Variants in PRXL2C observed in about 807,000 individuals in gnomAD.
The protein encoded by PRXL2C is peroxiredoxin-like 2C.
In PRXL2C, 38 loss-of-function variants were observed where a neutral mutation model predicts 24.9. The observed-to-expected ratio is 1.53, with a 90% CI of 1.18 to 2.00. The LOEUF (loss-of-function observed/expected upper bound fraction) is 2.00. Among genes scored for constraint, PRXL2C ranks in the 30% most tolerant of loss-of-function variants. PRXL2C has a pLI of 0.00. For missense variants in PRXL2C, 294 were observed against 290.9 expected (o/e 1.01, Z -0.08); for synonymous variants, 98 against 117.2 (o/e 0.84, Z 1.06).
chr9:96,650,605 T>C (rs1295989400), intron 4 of PRXL2C, among the ~76,000 whole-genome samples: 1 of 152,070 alleles, frequency 6.6e-6, no homozygotes, highest in Admixed American at 6.6e-5. Context: ...GTTGGGTGAT[T>C]TCAAACGATA....
chr9:96,654,691 G>T lies in PRXL2C; in HGVS notation c.261+14C>A, dbSNP rs1188811816. ...CAGAAGCGGGCACTGGGCCGCCCAC[G>T]CTGGGAAACTCACTTGTAAGAAACT... is the stretch of plus-strand genomic sequence containing the variant. On this transcript the variant is annotated intron_variant, in intron 2 of 5. Transcript: ENST00000375234. The T allele has an allele frequency of 2.6e-6, 4 of 1,555,784 alleles. No homozygotes were observed. Among genetic ancestry groups the T allele is most frequent in the Admixed American group, 3.9e-5 (2 of 51,334 alleles).
At position 96,655,288 on chromosome 9, in the gene PRXL2C, G is replaced by C. The variant is rs978515932; in HGVS notation, c.-7C>G. On this transcript the variant is annotated 5_prime_UTR_variant, in exon 1 of 6. Transcript: ENST00000375234. ...CCGGGGCCGGCGCGGCCATGACGCG[G>C]GGCGGCCGAGGGCCTGGGTCCGCTC... The C allele has an allele frequency of 2.9e-6, 3 of 1,050,424 alleles. No individual in the cohort carries two copies. Among genetic ancestry groups the C allele is most frequent in the Non-Finnish European group, 3.4e-6 (3 of 873,598 alleles). The allele number at this position is 1,050,424 out of a possible 1,614,324, so 65.1% of individuals were successfully genotyped here.
Position 96,654,678 on chromosome 9 carries a change from C to T in PRXL2C, c.261+27G>A, listed in dbSNP as rs73543002. 7,871 of 1,551,970 alleles carry T rather than the reference C, an allele frequency of 5.1e-3. 354 individuals are homozygous for T. In the African/African-American group the frequency reaches 0.095, roughly 19 times the overall value. On this transcript the variant is annotated intron_variant, in intron 2 of 5. Coordinates refer to ENST00000375234, the MANE Select transcript of PRXL2C (RefSeq NM_153698.2). The stretch of plus-strand genomic sequence containing the variant: ...CTCGCAAGGTCTGCAGAAGCGGGCA[C>T]TGGGCCGCCCACGCTGGGAAACTCA...
chr9:96,654,642 C>G, intron 2 of PRXL2C, 63 bp downstream of exon 2: 2 of 1,487,986 alleles, frequency 1.3e-6, no homozygotes, highest in Non-Finnish European at 1.8e-6. Context: ...GCCGCGTCCT[C>G]CCCCGCCCCG....
chr9:96,648,277 A>G (rs533527452), intron 4 of PRXL2C, among the ~76,000 whole-genome samples: 20 of 152,202 alleles, frequency 1.3e-4, no homozygotes, highest in Non-Finnish European at 1.8e-4. Context: ...TTGAGATTCC[A>G]TAGCCTAGAA....
chr9:96,645,889 T>C lies in PRXL2C; in HGVS notation c.553+4A>G, dbSNP rs1396563660. The C allele has an allele frequency of 6.2e-7, 1 of 1,604,392 alleles. No homozygotes were observed. The highest frequency in any genetic ancestry group is 8.5e-7 in the Non-Finnish European group (1 of 1,177,282). ...TACTGCTGAACCTGGGCTTTGATGC[T>C]TACCTGGACCTAAAATGAGGGTTCC... On this transcript the variant is annotated splice_donor_region_variant and intron_variant, in intron 5 of 5. Coordinates refer to ENST00000375234, the MANE Select transcript of PRXL2C (RefSeq NM_153698.2).
Position 96,651,343 on chromosome 9 carries a change from G to T in PRXL2C, c.421+47C>A. 5 of 1,344,808 alleles carry T rather than the reference G, an allele frequency of 3.7e-6. No homozygotes were observed. The South Asian group carries it at 3.8e-5, about 10-fold the overall frequency. 83.3% of individuals were successfully genotyped at this position (1,344,808 alleles called of 1,614,324 possible). On this transcript the variant is annotated intron_variant, in intron 4 of 5. Coordinates refer to ENST00000375234, the MANE Select transcript of PRXL2C (RefSeq NM_153698.2). ...TCCCTATGCATATATACACAAATAT[G>T]AACATACACCACCAGTGTTTTCTAT...
intron 5 of PRXL2C, among the ~76,000 whole-genome samples, chr9:96,642,565 G>C (rs1200518148): frequency 1.7e-5 from 1 of 59,292 alleles, no homozygotes; most frequent in East Asian, 4.7e-4. Context: ...TTTTTTTTTT[G>C]AGACGGAGGC....
At chr9:96,645,811 A>AAG in intron 5 of PRXL2C, 82 bp downstream of exon 5, 1 of 1,422,266 alleles carries the variant, frequency 7.0e-7, no homozygotes, top group Non-Finnish European at 9.4e-7. Context: ...AAAAAAAAAA[A>AAG]GGAAAAGAAA....
chr9:96,655,275 C>T lies in PRXL2C; in HGVS notation c.7G>A (p.Ala3Thr), dbSNP rs997769399. ...ACCTGCCGCGTGACCGGGGCCGGCGCGGCCATGACGCGGGGCGGCCGAGGG... is the reference window on the plus strand; with the variant it reads ...ACCTGCCGCGTGACCGGGGCCGGCGTGGCCATGACGCGGGGCGGCCGAGGG... Reference protein sequence around the residue: MAAPAPVTRQVSG... With the variant: MATPAPVTRQVSG... Residue 3 changes from alanine (A) to threonine (T), a missense_variant, in exon 1 of 6, where the codon GCG (alanine) becomes ACG (threonine). Physicochemically the swap from Ala to Thr is moderately conservative, Grantham distance 58. Coordinates refer to ENST00000375234, the MANE Select transcript of PRXL2C (RefSeq NM_153698.2). The T allele has an allele frequency of 1.4e-5, 15 of 1,066,962 alleles. No homozygotes were observed. The highest frequency in any genetic ancestry group is 1.0e-4 in the African/African-American group (6 of 59,010). The allele number at this position is 1,066,962 out of a possible 1,614,324, so 66.1% of individuals were successfully genotyped here.
rs1848108838 is a variant in PRXL2C at position 96,641,131 on chromosome 9, C to T, written c.*628G>A. The T allele has an allele frequency of 6.6e-6, 1 of 152,068 alleles. No individual in the cohort carries two copies. Among genetic ancestry groups the T allele is most frequent in the Non-Finnish European group, 1.5e-5 (1 of 68,020 alleles). 9.4% of individuals were successfully genotyped at this position (152,068 alleles called of 1,614,324 possible). On this transcript the variant is annotated 3_prime_UTR_variant, in exon 6 of 6. Transcript: ENST00000375234. ...AGGTTGTTATGTGGCATAAAATTGT[C>T]CTATAATGTTTAAAGACCTTTTCCT...
At chr9:96,644,897 T>C (rs1848171433) in intron 5 of PRXL2C, among the ~76,000 whole-genome samples, 1 of 106,988 alleles carries the variant, frequency 9.3e-6, no homozygotes, top group African/African-American at 3.9e-5. Context: ...TTTTTTTTTT[T>C]TTTTTTTTTT....
chr9:96,650,981 C>T (rs1196307231), intron 4 of PRXL2C, among the ~76,000 whole-genome samples: 1 of 152,122 alleles, frequency 6.6e-6, no homozygotes, highest in Non-Finnish European at 1.5e-5. Flanking sequence ...ATCTGGACCA[C>T]TTATTAGAAT....
Position 96,646,768 on chromosome 9 carries a change from C to G in PRXL2C, c.422-744G>C, listed in dbSNP as rs141611333. Among the ~76,000 whole-genome samples the G allele has an allele frequency of 2.6e-4, 40 of 152,196 alleles. 1 individual carries two copies. The highest frequency in any genetic ancestry group is 8.9e-4 in the African/African-American group (37 of 41,522). On this transcript the variant is annotated intron_variant, in intron 4 of 5. Coordinates refer to ENST00000375234, the MANE Select transcript of PRXL2C (RefSeq NM_153698.2). ...AACTGCTGCTCAAGAGGAAAGGCAT[C>G]CAAATAGAAAAACCGTTCTTGAAAA...
intron 4 of PRXL2C, among the ~76,000 whole-genome samples, 173 bp downstream of exon 4, chr9:96,651,217 G>T (rs763122008): frequency 6.6e-6 from 1 of 152,136 alleles, no homozygotes; most frequent in Non-Finnish European, 1.5e-5. Context: ...GGTGGAGGTT[G>T]CAGTGAGCCG....
At chr9:96,651,846 A>G (rs907426025) in intron 2 of PRXL2C, 134 bp from the exon 3 acceptor site, 11 of 631,978 alleles carry the variant, frequency 1.7e-5, no homozygotes, top group Admixed American at 9.7e-5. Context: ...ACACAGCAAA[A>G]TTGTGTGAGT....
intron 4 of PRXL2C, among the ~76,000 whole-genome samples, chr9:96,649,140 G>C (rs527519435): frequency 6.6e-6 from 1 of 152,036 alleles, no homozygotes; most frequent in Non-Finnish European, 1.5e-5. Context: ...TGAAAACTGT[G>C]TACCAAAAAG....
intron 5 of PRXL2C, 96 bp downstream of exon 5, chr9:96,645,796 CG>C (rs945027375): frequency 1.8e-5 from 22 of 1,203,582 alleles, no homozygotes; most frequent in African/African-American, 3.3e-5. Context: ...GACTCCCTCT[CG>C]AAAAAAAAAA....
rs148170578 is a variant in PRXL2C, at chr9:96,652,060, C to T, written c.262-348G>A. On this transcript the variant is annotated intron_variant, in intron 2 of 5. Transcript: ENST00000375234. ...CAAAAGCAAAAATAGACAAATGGGA[C>T]TATATCAAACTAAAAAGCTTCTGCA... 1.2e-4 allele frequency among the ~76,000 whole-genome samples: 18 copies of T among 152,178 alleles called. No homozygotes were observed. The East Asian group carries it at 3.5e-3, about 29-fold the overall frequency.
Sources: allele counts gnomAD v4.1 joint callset (sites outside exome capture counted in the v4.1 genomes callset), GRCh38; gene constraint gnomAD v4.1.1; transcripts MANE v1.5; gene names NCBI Gene and HGNC (gene_info 2026-07-23, HGNC 2026-07-21).